RSRC1: variants seen among roughly 807,000 people sequenced by gnomAD.
The protein encoded by RSRC1 is serine/Arginine-related protein 53.
In RSRC1, 39 loss-of-function variants were observed where a neutral mutation model predicts 49.1. That is an observed-to-expected ratio of 0.79 (90% CI 0.61 to 1.04). The LOEUF is 1.04. Ranked by LOEUF, RSRC1 falls within the 50% of genes least tolerant of loss-of-function variation. The probability of loss-of-function intolerance (pLI) is 0.00; values close to 1 mark genes in which losing one functional copy is unlikely to be tolerated. For synonymous variants in RSRC1, 143 were observed against 130.8 expected, an observed-to-expected ratio of 1.09 and a Z score of -0.63; for missense variants, 388 against 402.4, an observed-to-expected ratio of 0.96 and a Z score of 0.31.
At chr3:158,137,390 A>G (rs191248044) in intron 3 of RSRC1, among the ~76,000 whole-genome samples, 158 of 132,038 alleles carry the variant, frequency 1.2e-3, no homozygotes, top group Non-Finnish European at 5.3e-4. Context: ...GATATATAAT[A>G]CTGACCCAAT....
chr3:158,477,795 GATTTATATATATAT>G (rs1560059503), intron 7 of RSRC1, among the ~76,000 whole-genome samples: 3 of 31,146 alleles, frequency 9.6e-5, no homozygotes, highest in African/African-American at 4.7e-4. Flanking sequence ...TTGCGGGAGG[GATTTATATATATAT>G]ATATATATAT....
chr3:158,210,111 A>C (rs2108287200), intron 4 of RSRC1, among the ~76,000 whole-genome samples: 1 of 152,194 alleles, frequency 6.6e-6, no homozygotes, highest in Middle Eastern at 3.4e-3. Flanking sequence ...CTAACCTGTT[A>C]TTTATACAGC....
intron 4 of RSRC1, among the ~76,000 whole-genome samples, chr3:158,285,932 G>C (rs547252389): frequency 1.1e-4 from 17 of 152,160 alleles, no homozygotes; most frequent in Non-Finnish European, 2.4e-4. Context: ...ACACTATGTT[G>C]AATAGGAGTG....
At chr3:158,392,020 A>G (rs1560022947) in intron 6 of RSRC1, among the ~76,000 whole-genome samples, 2 of 152,138 alleles carry the variant, frequency 1.3e-5, no homozygotes, top group African/African-American at 2.4e-5. Context: ...GATTATAATA[A>G]TAAGATAATA....
intron 7 of RSRC1, among the ~76,000 whole-genome samples, chr3:158,510,248 C>G (rs1272501688): frequency 3.3e-5 from 5 of 152,078 alleles, no homozygotes; most frequent in Non-Finnish European, 7.4e-5. Context: ...ATTGGTATTC[C>G]TTTATCTGTG....
chr3:158,424,720 T>C (rs1735302232), intron 6 of RSRC1, among the ~76,000 whole-genome samples: 1 of 152,104 alleles, frequency 6.6e-6, no homozygotes, highest in African/African-American at 2.4e-5. Flanking sequence ...GGACCCTTTT[T>C]GGTGGGTAAG....
At chr3:158,244,656 G>A (rs955476320) in intron 4 of RSRC1, among the ~76,000 whole-genome samples, 1 of 152,114 alleles carries the variant, frequency 6.6e-6, no homozygotes, top group Non-Finnish European at 1.5e-5. Context: ...GTTAACAGAG[G>A]AGTTCCTTCT....
intron 3 of RSRC1, among the ~76,000 whole-genome samples, chr3:158,137,713 G>A (rs1377635196): frequency 6.6e-6 from 1 of 150,754 alleles, no homozygotes; most frequent in Non-Finnish European, 1.5e-5. Flanking sequence ...GAGTGCAGTG[G>A]CACCATCTCA....
chr3:158,123,865 G>C lies in RSRC1; in HGVS notation c.195-1G>C, dbSNP rs1375590836. On this transcript the variant is annotated splice_acceptor_variant, in intron 2 of 9. Coordinates refer to ENST00000611884, the MANE Select transcript of RSRC1 (RefSeq NM_001271838.2). LOFTEE classifies it high-confidence loss of function. ...TGATCTTTGATTATATTTTATTTCA[G>C]ACGCAGGCATCGATCAAGCAGTAGC... The C allele has an allele frequency of 4.4e-6, 7 of 1,600,278 alleles. No individual in the cohort carries two copies. Among genetic ancestry groups the C allele is most frequent in the Non-Finnish European group, 6.0e-6 (7 of 1,174,948 alleles).
At chr3:158,538,960 C>G (rs1712882132) in intron 8 of RSRC1, among the ~76,000 whole-genome samples, 1 of 151,906 alleles carries the variant, frequency 6.6e-6, no homozygotes, top group Non-Finnish European at 1.5e-5. Flanking sequence ...ATATCTATAT[C>G]TGCAATATAA....
intron 6 of RSRC1, among the ~76,000 whole-genome samples, chr3:158,373,310 C>T (rs1225771823): frequency 6.6e-6 from 1 of 151,830 alleles, no homozygotes; most frequent in Non-Finnish European, 1.5e-5. Flanking sequence ...TATTTCTGAT[C>T]CTAATGAGAA....
chr3:158,172,960 T>C (rs1718962452), intron 3 of RSRC1, among the ~76,000 whole-genome samples: 1 of 152,072 alleles, frequency 6.6e-6, no homozygotes. Context: ...AGAAACTTGA[T>C]GTTGACTTAG....
intron 5 of RSRC1, among the ~76,000 whole-genome samples, chr3:158,300,499 T>C (rs1472899062): frequency 6.6e-6 from 1 of 152,192 alleles, no homozygotes; most frequent in East Asian, 1.9e-4. Context: ...TGAGCATTAA[T>C]GAAACCTGTT....
chr3:158,176,711 A>G (rs926389083), intron 3 of RSRC1, among the ~76,000 whole-genome samples: 2 of 152,236 alleles, frequency 1.3e-5, no homozygotes, highest in Non-Finnish European at 2.9e-5. Flanking sequence ...AAACCTAGGC[A>G]ATACCATTCA....
At chr3:158,164,042 G>T (rs970770377) in intron 3 of RSRC1, among the ~76,000 whole-genome samples, 1 of 152,070 alleles carries the variant, frequency 6.6e-6, no homozygotes, top group African/African-American at 2.4e-5. Context: ...AGTGTTTTCT[G>T]TAAAGTATAT....
intron 6 of RSRC1, among the ~76,000 whole-genome samples, chr3:158,432,685 A>C (rs115890218): frequency 6.6e-6 from 1 of 151,938 alleles, no homozygotes; most frequent in Non-Finnish European, 1.5e-5. Flanking sequence ...TTTCATTCAC[A>C]TACTGTTTCT....
At chr3:158,281,773 G>A (rs1218648732) in intron 4 of RSRC1, among the ~76,000 whole-genome samples, 1 of 152,192 alleles carries the variant, frequency 6.6e-6, no homozygotes, top group Non-Finnish European at 1.5e-5. Context: ...TAACATGGGG[G>A]AACCACTGAT....
At chr3:158,470,525 A>C (rs1434815870) in intron 7 of RSRC1, among the ~76,000 whole-genome samples, 1 of 152,128 alleles carries the variant, frequency 6.6e-6, no homozygotes, top group Non-Finnish European at 1.5e-5. Flanking sequence ...GAGGATTAAT[A>C]CAACATATGT....
chr3:158,275,062 G>C (rs141272427), intron 4 of RSRC1, among the ~76,000 whole-genome samples: 2 of 152,158 alleles, frequency 1.3e-5, no homozygotes, highest in African/African-American at 4.8e-5. Context: ...CACTTGAAAG[G>C]TATTTATCTA....
Sources: allele counts gnomAD v4.1 joint callset (sites outside exome capture counted in the v4.1 genomes callset), GRCh38; gene constraint gnomAD v4.1.1; transcripts MANE v1.5; gene names NCBI Gene and HGNC (gene_info 2026-07-23, HGNC 2026-07-21).